TMEM132C: variants seen among roughly 807,000 people sequenced by gnomAD.
TMEM132C encodes transmembrane protein 132C.
In TMEM132C, 29 loss-of-function variants were observed where a neutral mutation model predicts 61.4. The observed-to-expected ratio is 0.47, with a 90% confidence interval of 0.35 to 0.64. The LOEUF (loss-of-function observed/expected upper bound fraction) is 0.64. TMEM132C is among the 30% of genes least tolerant of loss of function. TMEM132C has a pLI of 0.00. For synonymous variants in TMEM132C, 656 were observed against 633.1 expected, an observed-to-expected ratio of 1.04 and a Z score of -0.54; for missense variants, 1,408 against 1,476.9, an observed-to-expected ratio of 0.95 and a Z score of 0.76.
At chr12:128,328,060 T>C (rs1258223902) in intron 1 of TMEM132C, among the ~76,000 whole-genome samples, 1 of 152,086 alleles carries the variant, frequency 6.6e-6, no homozygotes, top group Non-Finnish European at 1.5e-5. Context: ...GGTTAAATTT[T>C]AGAGTGCCCT....
chr12:128,313,335 T>A (rs1872038365), intron 1 of TMEM132C, among the ~76,000 whole-genome samples: 1 of 152,142 alleles, frequency 6.6e-6, no homozygotes, highest in South Asian at 2.1e-4. Flanking sequence ...GGCCACTCAG[T>A]GATGTGAAAT....
Position 128,409,122 on chromosome 12 carries a change from G to T in TMEM132C, c.86-5610G>T, listed in dbSNP as rs566676390. ...TGGGTTTTCAAAGTTAGCAATTGCG[G>T]CAGTTGAAGTGTCTGGGTCATGAGT... On this transcript the variant is annotated intron_variant, in intron 1 of 8. Coordinates refer to ENST00000435159, the MANE Select transcript of TMEM132C (RefSeq NM_001136103.3). 8.1e-4 allele frequency among the ~76,000 whole-genome samples: 123 copies of T among 152,314 alleles called. 1 individual carries two copies. Among genetic ancestry groups the T allele is most frequent in the Middle Eastern group, 6.8e-3 (2 of 294 alleles).
chr12:128,558,356 G>A (rs888926387), intron 3 of TMEM132C, among the ~76,000 whole-genome samples: 1 of 152,166 alleles, frequency 6.6e-6, no homozygotes, highest in African/African-American at 2.4e-5. Context: ...GAATCATGGG[G>A]CTGGGCTTTT....
intron 3 of TMEM132C, among the ~76,000 whole-genome samples, chr12:128,604,744 G>A (rs1463165619): frequency 6.6e-6 from 1 of 151,976 alleles, no homozygotes; most frequent in Admixed American, 6.6e-5. Flanking sequence ...GATAATGGAT[G>A]GAGGGATAGA....
intron 3 of TMEM132C, among the ~76,000 whole-genome samples, chr12:128,561,630 C>T (rs566648715): frequency 6.6e-6 from 1 of 152,196 alleles, no homozygotes; most frequent in Non-Finnish European, 1.5e-5. Flanking sequence ...AGAAAAGATG[C>T]ATGCCAAAAA....
chr12:128,323,187 A>G (rs7306577), intron 1 of TMEM132C, among the ~76,000 whole-genome samples: 6,281 of 152,296 alleles, frequency 0.041, 146 homozygotes, highest in African/African-American at 0.048. Context: ...CTCCAGGAGA[A>G]ATATTTCAGT....
chr12:128,402,664 CG>C (rs1408155897), intron 1 of TMEM132C, among the ~76,000 whole-genome samples: 1 of 152,028 alleles, frequency 6.6e-6, no homozygotes, highest in African/African-American at 2.4e-5. Flanking sequence ...GGGTGGTCAG[CG>C]GGGGAGGGCA....
intron 1 of TMEM132C, among the ~76,000 whole-genome samples, chr12:128,343,425 A>C (rs76330268): frequency 1.2e-4 from 18 of 150,276 alleles, no homozygotes; most frequent in African/African-American, 4.4e-4. Flanking sequence ...TCAGTCTAAA[A>C]AAAAAAAAAA....
At chr12:128,301,056 A>G (rs1871579785) in intron 1 of TMEM132C, among the ~76,000 whole-genome samples, 3 of 152,122 alleles carry the variant, frequency 2.0e-5, no homozygotes, top group African/African-American at 7.2e-5. Flanking sequence ...AACAAAACAA[A>G]TGAACAGAAA....
At chr12:128,272,940 C>T (rs1870569635) in intron 1 of TMEM132C, among the ~76,000 whole-genome samples, 1 of 152,136 alleles carries the variant, frequency 6.6e-6, no homozygotes, top group Non-Finnish European at 1.5e-5. Flanking sequence ...GATAGTTTCT[C>T]TGAGTATGTG....
At chr12:128,349,473 G>C (rs1250056509) in intron 1 of TMEM132C, among the ~76,000 whole-genome samples, 3 of 152,116 alleles carry the variant, frequency 2.0e-5, no homozygotes, top group African/African-American at 4.8e-5. Context: ...TGGATCACGG[G>C]GGTTGGGGGT....
chr12:128,320,508 G>A (rs1426113004), intron 1 of TMEM132C, among the ~76,000 whole-genome samples: 7 of 152,144 alleles, frequency 4.6e-5, no homozygotes, highest in Non-Finnish European at 4.4e-5. Flanking sequence ...GCTCATGCCT[G>A]TAATCCCAAC....
chr12:128,370,800 G>T (rs1052569518), intron 1 of TMEM132C, among the ~76,000 whole-genome samples: 1 of 151,904 alleles, frequency 6.6e-6, no homozygotes. Context: ...TTCCAGCACA[G>T]CTCCTAAAAC....
At chr12:128,574,349 C>T (rs1025114342) in intron 3 of TMEM132C, among the ~76,000 whole-genome samples, 3 of 152,220 alleles carry the variant, frequency 2.0e-5, no homozygotes, top group East Asian at 1.9e-4. Context: ...AGCTACATGC[C>T]GGGTACTGGC....
At chr12:128,269,554 A>C (rs1870441631) in intron 1 of TMEM132C, among the ~76,000 whole-genome samples, 2 of 152,082 alleles carry the variant, frequency 1.3e-5, no homozygotes, top group Non-Finnish European at 2.9e-5. Context: ...CCCTATCCCA[A>C]ACCGCCTCTG....
At chr12:128,682,700 G>C (rs1424962166) in intron 5 of TMEM132C, among the ~76,000 whole-genome samples, 6 of 152,216 alleles carry the variant, frequency 3.9e-5, no homozygotes, top group Non-Finnish European at 7.3e-5. Context: ...GGTGGGAGTG[G>C]TGTGCACACA....
Position 128,464,664 on chromosome 12 carries a change from C to T in TMEM132C, c.974+49044C>T, listed in dbSNP as rs1870660885. Among the ~76,000 whole-genome samples the T allele has an allele frequency of 2.6e-5, 4 of 152,152 alleles. No individual in the cohort carries two copies. The South Asian group carries it at 8.3e-4, about 32-fold the overall frequency. ...TCTGTGGTCTGAGCTACTCAGGAGG[C>T]TGAGATGGGAGGACCTCTCAAGTCC... On this transcript the variant is annotated intron_variant, in intron 2 of 8. Coordinates refer to ENST00000435159, the MANE Select transcript of TMEM132C (RefSeq NM_001136103.3).
intron 3 of TMEM132C, among the ~76,000 whole-genome samples, chr12:128,580,241 C>G (rs1250702934): frequency 6.6e-6 from 1 of 151,862 alleles, no homozygotes; most frequent in African/African-American, 2.4e-5. Context: ...ACGGTGAAAC[C>G]CCATCTCTAC....
chr12:128,533,198 A>G lies in TMEM132C; in HGVS notation c.975-10759A>G, dbSNP rs1448703423. Reference sequence around the variant, plus strand: ...TCCTGCGCAATGCCCAGGGTAGAGAACACTGGGCTAACAGGCTTAGTGCAA... The same window carrying G: ...TCCTGCGCAATGCCCAGGGTAGAGAGCACTGGGCTAACAGGCTTAGTGCAA... On this transcript the variant is annotated intron_variant, in intron 2 of 8. Transcript: ENST00000435159. Among the ~76,000 whole-genome samples, 11 of 152,134 alleles carry G rather than the reference A, an allele frequency of 7.2e-5. 1 individual carries two copies. The highest frequency in any genetic ancestry group is 7.2e-4 in the Admixed American group (11 of 15,280).
Sources: allele counts gnomAD v4.1 joint callset (sites outside exome capture counted in the v4.1 genomes callset), GRCh38; gene constraint gnomAD v4.1.1; transcripts MANE v1.5; gene names NCBI Gene and HGNC (gene_info 2026-07-23, HGNC 2026-07-21).